The following ABI3BP variants were observed in gnomAD, a reference collection of about 807,000 sequenced individuals.
ABI3BP encodes ABI family member 3 binding protein.
In ABI3BP, 216 loss-of-function variants were observed where a neutral mutation model predicts 268.6. The ratio of observed to expected loss-of-function variants is 0.80; its 90% CI spans 0.72 to 0.90. The LOEUF (loss-of-function observed/expected upper bound fraction) is 0.90. ABI3BP is among the 40% of genes least tolerant of loss of function. The pLI is 0.00. For missense variants in ABI3BP, 2,090 were observed against 2,182.4 expected (o/e 0.96, Z 0.84); for synonymous variants, 730 against 730.0 (o/e 1.00, Z 0.00).
At chr3:100,753,498 G>C (rs1285693767) in intron 65 of ABI3BP, among the ~76,000 whole-genome samples, 1 of 151,566 alleles carries the variant, frequency 6.6e-6, no homozygotes, top group East Asian at 1.9e-4. Context: ...TCATTACGTT[G>C]CCAGGCTGGT....
Position 100,894,965 on chromosome 3 carries a change from A to AAAAAAAAAAAAAAAAAAAAAAAAAAAAC in ABI3BP, c.461+3796_461+3797insGTTTTTTTTTTTTTTTTTTTTTTTTTTT, listed in dbSNP as rs760156604. ...AAAAAAAAAAAAAAAAAAAAAAAAA[A>AAAAAAAAAAAAAAAAAAAAAAAAAAAAC]AACAGAAAAAAAAAACACAAGATGA... is the stretch of plus-strand genomic sequence containing the variant. On this transcript the variant is annotated intron_variant, in intron 4 of 67. Transcript: ENST00000471714. 6.5e-4 allele frequency among the ~76,000 whole-genome samples: 78 copies of AAAAAAAAAAAAAAAAAAAAAAAAAAAAC among 120,858 alleles called. 4 individuals are homozygous for AAAAAAAAAAAAAAAAAAAAAAAAAAAAC. The highest frequency in any genetic ancestry group is 1.2e-3 in the Non-Finnish European group (62 of 51,376). 79.3% of individuals were successfully genotyped at this position (120,858 alleles called of 152,430 possible). A position where few individuals can be genotyped will look rare whatever the true frequency, so the allele number is the denominator to read the frequency against.
chr3:100,834,293 T>G (rs937034914), intron 29 of ABI3BP, among the ~76,000 whole-genome samples: 1 of 152,180 alleles, frequency 6.6e-6, no homozygotes, highest in African/African-American at 2.4e-5. Flanking sequence ...CCTGTATATC[T>G]ATTATGAAGA....
chr3:100,837,555 AG>A (rs1393270943), intron 26 of ABI3BP, among the ~76,000 whole-genome samples: 2 of 152,176 alleles, frequency 1.3e-5, no homozygotes, highest in Admixed American at 6.5e-5. Flanking sequence ...GGAGTTCAAA[AG>A]ACCAGCCTGG....
chr3:100,891,882 C>T (rs140988156), intron 4 of ABI3BP, among the ~76,000 whole-genome samples: 1 of 152,328 alleles, frequency 6.6e-6, no homozygotes, highest in African/African-American at 2.4e-5. Flanking sequence ...GGTAGACATG[C>T]ATATGTGTAT....
chr3:100,904,428 C>T (rs534573370), intron 2 of ABI3BP, among the ~76,000 whole-genome samples: 199 of 152,220 alleles, frequency 1.3e-3, no homozygotes, highest in Non-Finnish European at 2.2e-3. Context: ...CATGTTCTTG[C>T]CTCCCCCACT....
At chr3:100,985,242 C>A (rs996436844) in intron 1 of ABI3BP, among the ~76,000 whole-genome samples, 1 of 150,288 alleles carries the variant, frequency 6.7e-6, no homozygotes, top group Non-Finnish European at 1.5e-5. Context: ...CTCTGCCTCC[C>A]GGGTTCAAGC....
chr3:100,797,146 T>A (rs1237017349), intron 51 of ABI3BP, among the ~76,000 whole-genome samples: 1 of 152,042 alleles, frequency 6.6e-6, no homozygotes. Context: ...CATAAGCATA[T>A]GAAAACAAGA....
chr3:100,872,211 T>C (rs890391579), intron 9 of ABI3BP, among the ~76,000 whole-genome samples: 3 of 152,196 alleles, frequency 2.0e-5, no homozygotes, highest in African/African-American at 7.2e-5. Context: ...ACTATTTTCA[T>C]AGTTTTAATT....
intron 14 of ABI3BP, among the ~76,000 whole-genome samples, chr3:100,858,212 A>G (rs1182694128): frequency 6.6e-6 from 1 of 152,208 alleles, no homozygotes; most frequent in East Asian, 1.9e-4. Context: ...ACCTTTATAT[A>G]TTTTAAGGAA....
intron 1 of ABI3BP, among the ~76,000 whole-genome samples, chr3:100,978,634 A>G (rs943312601): frequency 3.3e-5 from 5 of 152,224 alleles, no homozygotes; most frequent in African/African-American, 9.6e-5. Flanking sequence ...CATCTCAAGA[A>G]CTAGAGGGTA....
chr3:100,847,299 G>A (rs1326216594), intron 19 of ABI3BP, among the ~76,000 whole-genome samples: 1 of 152,094 alleles, frequency 6.6e-6, no homozygotes, highest in Non-Finnish European at 1.5e-5. Context: ...ATAAAAAAAA[G>A]AGAACTATAT....
rs760156654 is a variant in ABI3BP, at chr3:100,875,494, C to T, written c.817+14G>A. 15 of 1,593,624 alleles carry T rather than the reference C, an allele frequency of 9.4e-6. No homozygotes were observed. The highest frequency in any genetic ancestry group is 1.7e-4 in the Middle Eastern group (1 of 6,054). The stretch of plus-strand genomic sequence containing the variant: ...ATTTGCTTAATCTCGGCATAGATTT[C>T]GAGATCCACTCACCTAGTATCACTC... On this transcript the variant is annotated intron_variant, in intron 8 of 67. Transcript: ENST00000471714.
chr3:100,785,722 T>C (rs2097018662), intron 57 of ABI3BP, among the ~76,000 whole-genome samples: 1 of 152,198 alleles, frequency 6.6e-6, no homozygotes, highest in South Asian at 2.1e-4. Context: ...TTCTAGTCTA[T>C]TGCCTTAACC....
At chr3:100,914,974 T>C (rs1202932064) in intron 2 of ABI3BP, among the ~76,000 whole-genome samples, 2 of 152,180 alleles carry the variant, frequency 1.3e-5, no homozygotes, top group Non-Finnish European at 2.9e-5. Context: ...GCTGACTACA[T>C]AATTTGCAGG....
Position 100,812,481 on chromosome 3 carries a change from G to T in ABI3BP, c.3407C>A (p.Pro1136Gln). The T allele has an allele frequency of 5.3e-6, 7 of 1,322,280 alleles. No individual in the cohort carries two copies. Among genetic ancestry groups the T allele is most frequent in the Non-Finnish European group, 6.7e-6 (7 of 1,037,162 alleles). 81.9% of individuals were successfully genotyped at this position (1,322,280 alleles called of 1,614,324 possible). A position where few individuals can be genotyped will look rare whatever the true frequency, so the allele number is the denominator to read the frequency against. ...AACATTTTTACCTATGGTCTCCTTT[G>T]GTGACTCAGTACTAAGTGTAACCGA... ...LESVTLSTESPKETIAPAKTD... is the reference protein window; with the variant it reads ...LESVTLSTESQKETIAPAKTD... The change falls in exon 46 of 68, where the codon CCA becomes CAA. Residue 1136 changes from proline to glutamine, a missense_variant. Physicochemically the swap from Pro to Gln is moderately conservative, Grantham distance 76 (BLOSUM62 -1). Coordinates refer to ENST00000471714, the MANE Select transcript of ABI3BP (RefSeq NM_001375547.2).
Position 100,788,939 on chromosome 3 carries a change from A to G in ABI3BP, c.4087+515T>C, listed in dbSNP as rs112481619. On this transcript the variant is annotated intron_variant, in intron 56 of 67. Transcript: ENST00000471714. ...TAACTTTTTTTCTGAACAAGCTCCAATGAGGGTAATCCTAGGACCTTTGGA... is the reference window on the plus strand; with the variant it reads ...TAACTTTTTTTCTGAACAAGCTCCAGTGAGGGTAATCCTAGGACCTTTGGA... Among the ~76,000 whole-genome samples, 548 of 152,202 alleles carry G rather than the reference A, an allele frequency of 3.6e-3. 5 individuals carry two copies. The highest frequency in any genetic ancestry group is 5.3e-3 in the Non-Finnish European group (359 of 67,984).
intron 1 of ABI3BP, among the ~76,000 whole-genome samples, chr3:100,959,712 C>T (rs2078277481): frequency 6.6e-6 from 1 of 152,006 alleles, no homozygotes; most frequent in Non-Finnish European, 1.5e-5. Context: ...AAAAAAAATA[C>T]TCTCTGGTAA....
intron 3 of ABI3BP, among the ~76,000 whole-genome samples, chr3:100,899,295 T>C (rs2049082817): frequency 6.6e-6 from 1 of 152,228 alleles, no homozygotes; most frequent in Non-Finnish European, 1.5e-5. Flanking sequence ...AATGAAAGTA[T>C]GTTTATTTTT....
chr3:100,792,856 CAAT>C, intron 54 of ABI3BP, 88 bp from the exon 55 acceptor site: 1 of 1,103,562 alleles, frequency 9.1e-7, no homozygotes, highest in Admixed American at 1.9e-5. Flanking sequence ...CTGTCCCATG[CAAT>C]AATAAAAGGA....
Sources: gnomAD v4.1 joint callset for allele counts (sites outside exome capture counted in the v4.1 genomes callset) on GRCh38, gnomAD v4.1.1 for gene constraint, MANE v1.5 for transcripts, NCBI Gene and HGNC (gene_info 2026-07-23, HGNC 2026-07-21) for gene names.